SCD5: variants seen among roughly 807,000 people sequenced by gnomAD.
SCD5 encodes the protein acyl-CoA-desaturase 4.
A neutral mutation model predicts 30.4 loss-of-function variants in SCD5; 20 were observed. The observed-to-expected ratio is 0.66, with a 90% CI of 0.46 to 0.96. SCD5 has a LOEUF of 0.96. Among genes scored for constraint, SCD5 ranks in the 40% least tolerant of loss-of-function variants. SCD5 has a pLI of 0.00. For missense variants in SCD5, 381 were observed against 443.3 expected (o/e 0.86, Z 1.26); for synonymous variants, 173 against 176.4 (o/e 0.98, Z 0.16).
chr4:82,674,311 C>T (rs573541458), intron 3 of SCD5, among the ~76,000 whole-genome samples: 2 of 152,162 alleles, frequency 1.3e-5, no homozygotes, highest in South Asian at 4.1e-4. Flanking sequence ...AAGAAAGCAA[C>T]CTGATTTAAA....
intron 1 of SCD5, among the ~76,000 whole-genome samples, chr4:82,736,199 G>A (rs1437857254): frequency 6.6e-5 from 10 of 151,100 alleles, no homozygotes; most frequent in East Asian, 2.0e-4. Flanking sequence ...GAGGTGGGAC[G>A]ATCACTTGAG....
chr4:82,768,835 G>A (rs1411711045), intron 1 of SCD5, among the ~76,000 whole-genome samples: 1 of 152,098 alleles, frequency 6.6e-6, no homozygotes, highest in African/African-American at 2.4e-5. Context: ...GAAAGAAGAG[G>A]TGCAGGCAGA....
At chr4:82,646,738 AGC>A (rs1190459820) in intron 3 of SCD5, among the ~76,000 whole-genome samples, 1 of 152,224 alleles carries the variant, frequency 6.6e-6, no homozygotes, top group Non-Finnish European at 1.5e-5. Flanking sequence ...CTGTGGAGGA[AGC>A]AGAGGGCAGA....
intron 1 of SCD5, among the ~76,000 whole-genome samples, chr4:82,741,492 G>A (rs975127325): frequency 5.9e-5 from 9 of 152,130 alleles, no homozygotes; most frequent in African/African-American, 1.7e-4. Flanking sequence ...TGTGAGTGAC[G>A]GCAGCTGCAT....
In SCD5 at chr4:82,759,434, C is replaced by T. The variant is rs1560555443; in HGVS notation, c.232+38872G>A. On this transcript the variant is annotated intron_variant, in intron 1 of 4. Transcript: ENST00000319540. The stretch of plus-strand genomic sequence containing the variant: ...ATGGAACCAACGGGAGCTTGGCAGT[C>T]AGATGTTCTGCTTCACCCTAAACCA... Among the ~76,000 whole-genome samples, 4 of 152,288 alleles carry T rather than the reference C, an allele frequency of 2.6e-5. No homozygotes were observed. The East Asian group carries it at 5.8e-4, about 22-fold the overall frequency.
chr4:82,798,481 T>C lies in SCD5; in HGVS notation c.57A>G (p.Glu19=), dbSNP rs764368530. 9 of 1,612,278 alleles carry C rather than the reference T, an allele frequency of 5.6e-6. No homozygotes were observed. Among genetic ancestry groups the C allele is most frequent in the Non-Finnish European group, 7.6e-6 (9 of 1,179,310 alleles). ...GKIPFCDAKE[E]IRAGLESSEG... Reference sequence around the variant, plus strand: ...CAGAGCTTTCGAGCCCGGCACGGATTTCTTCCTTGGCGTCGCAGAAAGGGA... The same window carrying C: ...CAGAGCTTTCGAGCCCGGCACGGATCTCTTCCTTGGCGTCGCAGAAAGGGA... The change falls in exon 1 of 5, where the codon GAA becomes GAG. Residue 19 remains glutamate (E), a synonymous_variant. Coordinates refer to ENST00000319540, the MANE Select transcript of SCD5 (RefSeq NM_001037582.3).
intron 3 of SCD5, among the ~76,000 whole-genome samples, chr4:82,665,353 A>C (rs1180786364): frequency 6.6e-6 from 1 of 151,682 alleles, no homozygotes. Context: ...TAAGAAGCCC[A>C]GAGTCCCAAG....
At chr4:82,743,669 G>A (rs1484489188) in intron 1 of SCD5, among the ~76,000 whole-genome samples, 4 of 151,946 alleles carry the variant, frequency 2.6e-5, no homozygotes, top group Non-Finnish European at 4.4e-5. Flanking sequence ...CTACAGGCAC[G>A]TGCCACCATG....
chr4:82,686,750 T>C (rs965641456), intron 2 of SCD5, among the ~76,000 whole-genome samples: 1 of 152,212 alleles, frequency 6.6e-6, no homozygotes. Flanking sequence ...GAAATACTTT[T>C]ATGCTTGATC....
At chr4:82,738,419 T>C (rs1720800349) in intron 1 of SCD5, among the ~76,000 whole-genome samples, 1 of 151,806 alleles carries the variant, frequency 6.6e-6, no homozygotes, top group African/African-American at 2.4e-5. Flanking sequence ...AGACTCCGTT[T>C]AAAAAAAAAG....
chr4:82,725,268 T>C (rs1482655279), intron 1 of SCD5, among the ~76,000 whole-genome samples: 3 of 152,330 alleles, frequency 2.0e-5, no homozygotes, highest in Non-Finnish European at 2.9e-5. Context: ...ATGGGGCTCA[T>C]GGGTACAGGC....
chr4:82,774,154 G>A (rs1055106760), intron 1 of SCD5, among the ~76,000 whole-genome samples: 2 of 150,662 alleles, frequency 1.3e-5, no homozygotes, highest in African/African-American at 4.9e-5. Flanking sequence ...TTATTCTGAG[G>A]AAATTATTAA....
intron 3 of SCD5, among the ~76,000 whole-genome samples, chr4:82,664,999 C>CTCTCTCTCTCTCTATATA (rs1219554314): frequency 4.1e-4 from 29 of 70,488 alleles, no homozygotes; most frequent in South Asian, 2.2e-3. Flanking sequence ...CTCTCTCTCT[C>CTCTCTCTCTCTCTATATA]TATATATATA....
intron 1 of SCD5, among the ~76,000 whole-genome samples, chr4:82,736,420 C>G (rs937176458): frequency 2.0e-5 from 3 of 151,572 alleles, no homozygotes; most frequent in African/African-American, 7.3e-5. Flanking sequence ...ACCAGCCTGG[C>G]CAACATGGTG....
intron 2 of SCD5, among the ~76,000 whole-genome samples, chr4:82,689,669 G>C (rs1728789275): frequency 6.6e-6 from 1 of 152,040 alleles, no homozygotes; most frequent in Non-Finnish European, 1.5e-5. Flanking sequence ...AAAACTATTG[G>C]GTAAAAGTTT....
intron 1 of SCD5, among the ~76,000 whole-genome samples, chr4:82,730,197 A>G (rs1720596806): frequency 6.8e-6 from 1 of 147,836 alleles, no homozygotes; most frequent in South Asian, 2.1e-4. Flanking sequence ...TATGTATTAT[A>G]TATTTTTATA....
At chr4:82,736,920 C>T (rs1720764119) in intron 1 of SCD5, among the ~76,000 whole-genome samples, 1 of 152,164 alleles carries the variant, frequency 6.6e-6, no homozygotes, top group African/African-American at 2.4e-5. Context: ...CCCACCTCAG[C>T]CTTTCAAAGT....
At chr4:82,658,344 T>C (rs143065978) in intron 3 of SCD5, among the ~76,000 whole-genome samples, 5,377 of 152,258 alleles carry the variant, frequency 0.035, 124 homozygotes, top group Middle Eastern at 0.092. Context: ...CTGCATCTAT[T>C]GAGATAATTA....
chr4:82,707,214 G>A (rs1388383547), intron 1 of SCD5, among the ~76,000 whole-genome samples: 2 of 152,208 alleles, frequency 1.3e-5, no homozygotes, highest in African/African-American at 4.8e-5. Context: ...ACTTTACCAA[G>A]TAGCTCATAC....
Sources: gnomAD v4.1 joint callset for allele counts (sites outside exome capture counted in the v4.1 genomes callset) on GRCh38, gnomAD v4.1.1 for gene constraint, MANE v1.5 for transcripts, NCBI Gene and HGNC (gene_info 2026-07-23, HGNC 2026-07-21) for gene names.